SPEG: variants seen among roughly 807,000 people sequenced by gnomAD.
The protein encoded by SPEG is striated muscle enriched protein kinase, also known as striated muscle preferentially expressed protein kinase.
Under a neutral mutation model 300.4 loss-of-function variants are expected in SPEG, and 114 were observed. The observed-to-expected ratio is 0.38, with a 90% CI of 0.33 to 0.44. The LOEUF (loss-of-function observed/expected upper bound fraction) is 0.44, where lower values mean the gene tolerates loss of function less well. Ranked by LOEUF, SPEG falls within the 20% of genes least tolerant of loss-of-function variation. The probability of loss-of-function intolerance (pLI) is 1.00; values close to 1 mark genes in which losing one functional copy is unlikely to be tolerated. For synonymous variants in SPEG, 1,964 were observed against 2,018.9 expected, an observed-to-expected ratio of 0.97 and a Z score of 0.73; for missense variants, 4,201 against 4,586.2, an observed-to-expected ratio of 0.92 and a Z score of 2.43.
chr2:219,448,121 G>A lies in SPEG; in HGVS notation c.963G>A (p.Pro321=), dbSNP rs775841824. 1 of 1,603,224 alleles carries A rather than the reference G, an allele frequency of 6.2e-7. No individual in the cohort carries two copies. The highest frequency in any genetic ancestry group is 8.5e-7 in the Non-Finnish European group (1 of 1,175,074). Residue 321 remains proline, a synonymous_variant, in exon 4 of 41, where the codon CCG becomes CCA. Coordinates refer to ENST00000312358, the MANE Select transcript of SPEG (RefSeq NM_005876.5). ...PPSPRVGKRS[P]PGPPAQPAAT... Reference sequence around the variant, plus strand: ...CCCCTCGGGTCGGGAAGCGGTCCCCGCCGGGACCCCCGGCCCAGCCCGCGG... The same window carrying A: ...CCCCTCGGGTCGGGAAGCGGTCCCCACCGGGACCCCCGGCCCAGCCCGCGG...
intron 31 of SPEG, among the ~76,000 whole-genome samples, chr2:219,485,963 TC>T (rs774773664): frequency 2.0e-4 from 30 of 152,200 alleles, no homozygotes; most frequent in Admixed American, 5.2e-4. Flanking sequence ...CCCTCCTGCC[TC>T]CACAGTCCCC....
In SPEG at chr2:219,489,602, C is replaced by G. The variant is rs1693778752; in HGVS notation, c.8584C>G (p.Leu2862Val). The change falls in exon 36 of 41, where the codon CTA becomes GTA. Residue 2862 changes from leucine (L) to valine (V), a missense_variant. Physicochemically the swap from Leu to Val is conservative, Grantham distance 32 (BLOSUM62 1). Transcript: ENST00000312358. ...GGCTGCCCGGCCAGCGGAGCCCACC[C>G]TACCCAGTACCCACGTCACCCCAAG... ...LQAARPAEPT[L>V]PSTHVTPSEP... 6.2e-7 allele frequency: 1 copy of G among 1,613,662 alleles called. No individual in the cohort carries two copies. Among genetic ancestry groups the G allele is most frequent in the South Asian group, 1.1e-5 (1 of 91,092 alleles).
Position 219,477,516 on chromosome 2 carries a change from C to T in SPEG, c.4729+71C>T. The T allele has an allele frequency of 1.4e-6, 2 of 1,479,038 alleles. No individual in the cohort carries two copies. The highest frequency in any genetic ancestry group is 1.8e-6 in the Non-Finnish European group (2 of 1,104,396). The allele number at this position is 1,479,038 out of a possible 1,614,324, so 91.6% of individuals were successfully genotyped here. On this transcript the variant is annotated intron_variant, in intron 20 of 40. Transcript: ENST00000312358. This position sits in a 1 kb window ranked among gnomAD's most constrained non-coding sequence, Gnocchi z 6.4. ...TCTGATGTGACCCTCCATGCTCTGC[C>T]CAGGAAGCAGCCAGCCCTGGACTCG...
At chr2:219,438,403 A>C (rs568318901) in intron 1 of SPEG, among the ~76,000 whole-genome samples, 4 of 152,324 alleles carry the variant, frequency 2.6e-5, no homozygotes, top group South Asian at 4.1e-4. Flanking sequence ...GTCTGGGTCC[A>C]TACTGCTTGT....
At position 219,451,484 on chromosome 2, in the gene SPEG, A is replaced by G; in HGVS notation, c.2258-141A>G. Reference sequence around the variant, plus strand: ...AAGGGAGGGCAACCTGAGCTTCCCAAAATGAGGGCGGACTCTTCCAGATTC... The same window carrying G: ...AAGGGAGGGCAACCTGAGCTTCCCAGAATGAGGGCGGACTCTTCCAGATTC... On this transcript the variant is annotated intron_variant, in intron 5 of 40. Transcript: ENST00000312358. This position sits in a 1 kb window ranked among gnomAD's most constrained non-coding sequence, Gnocchi z 6.4. 1 of 1,138,676 alleles carries G rather than the reference A, an allele frequency of 8.8e-7. No individual in the cohort carries two copies. Among genetic ancestry groups the G allele is most frequent in the South Asian group, 1.8e-5 (1 of 57,004 alleles). The allele number at this position is 1,138,676 out of a possible 1,614,324, so 70.5% of individuals were successfully genotyped here. A position where few individuals can be genotyped will look rare whatever the true frequency, so the allele number is the denominator to read the frequency against.
At chr2:219,466,498 A>ACGG (rs2125451001) in intron 9 of SPEG, 1 of 1,119,126 alleles carries the variant, frequency 8.9e-7, no homozygotes, top group East Asian at 6.0e-5. Context: ...GGGAGAGATT[A>ACGG]CGGCATGGCA....
Position 219,451,373 on chromosome 2 carries a change from G to C in SPEG, c.2257+94G>C. ...TTCCCCCGGACTCCTCCAAGGGAGGGGTGGGAAAGAGGGGAATTATCCCCT... is the reference window on the plus strand; with the variant it reads ...TTCCCCCGGACTCCTCCAAGGGAGGCGTGGGAAAGAGGGGAATTATCCCCT... On this transcript the variant is annotated intron_variant, in intron 5 of 40. Transcript: ENST00000312358. The surrounding 1 kb of genome is among the most constrained non-coding windows in gnomAD (Gnocchi z 6.4). 6.8e-7 allele frequency: 1 copy of C among 1,467,084 alleles called. No individual in the cohort carries two copies. The highest frequency in any genetic ancestry group is 2.4e-5 in the East Asian group (1 of 41,528). 90.9% of individuals were successfully genotyped at this position (1,467,084 alleles called of 1,614,324 possible). A position where few individuals can be genotyped will look rare whatever the true frequency, so the allele number is the denominator to read the frequency against.
At chr2:219,478,669 C>T (rs1043213837) in intron 22 of SPEG, among the ~76,000 whole-genome samples, 1 of 152,098 alleles carries the variant, frequency 6.6e-6, no homozygotes, top group Non-Finnish European at 1.5e-5. Flanking sequence ...GCAGGGTGAC[C>T]GTAACCTGCA....
Position 219,489,920 on chromosome 2 carries a change from T to A in SPEG, c.8902T>A (p.Phe2968Ile). ...RQGPPQKPYTFLEEKARGRFG... is the reference protein window; with the variant it reads ...RQGPPQKPYTILEEKARGRFG... ...GGGTCCCCCTCAGAAACCCTACACC[T>A]TCCTGGAGGAGAAAGCCAGGCAAGC... Residue 2968 changes from phenylalanine (F) to isoleucine (I), a missense_variant, in exon 36 of 41, where the codon TTC becomes ATC. Phe to Ile is a conservative substitution (Grantham distance 21, BLOSUM62 0). Around this residue, in one of 4 missense-constraint regions of SPEG, gnomAD observed 318 missense variants for 429.5 expected, o/e 0.74. Transcript: ENST00000312358. 1 of 1,572,012 alleles carries A rather than the reference T, an allele frequency of 6.4e-7. No individual in the cohort carries two copies. Among genetic ancestry groups the A allele is most frequent in the South Asian group, 1.2e-5 (1 of 86,572 alleles).
intron 4 of SPEG, among the ~76,000 whole-genome samples, chr2:219,450,267 C>T (rs1689643964): frequency 6.6e-6 from 1 of 152,214 alleles, no homozygotes; most frequent in South Asian, 2.1e-4. Context: ...TATTTCATTT[C>T]AGCCTATATG....
intron 9 of SPEG, chr2:219,465,916 T>C: frequency 2.8e-6 from 2 of 701,880 alleles, no homozygotes; most frequent in South Asian, 1.7e-5. Context: ...TGCATGCGTG[T>C]GTGTGTGCGC....
At chr2:219,474,593 G>A (rs1372746491) in intron 18 of SPEG, among the ~76,000 whole-genome samples, 2 of 152,132 alleles carry the variant, frequency 1.3e-5, no homozygotes, top group Non-Finnish European at 2.9e-5. Context: ...GGGTTCAAGT[G>A]TGGCTGCCTG....
chr2:219,483,524 C>T lies in SPEG; in HGVS notation c.6061C>T (p.Pro2021Ser). Residue 2021 changes from proline (P) to serine (S), a missense_variant, in exon 30 of 41, where the codon CCC becomes TCC. Physicochemically the swap from Pro to Ser is moderately conservative, Grantham distance 74. Coordinates refer to ENST00000312358, the MANE Select transcript of SPEG (RefSeq NM_005876.5). ...GGGCAGCTCGGCTGAGAGCGCCCTG[C>T]CCCGGGCCGGGCCGCGGGAGCTGGG... The part of the protein sequence containing the change: ...RRGSSAESAL[P>S]RAGPRELGRG... The T allele has an allele frequency of 1.4e-6, 2 of 1,408,350 alleles. No individual in the cohort carries two copies. Among genetic ancestry groups the T allele is most frequent in the Non-Finnish European group, 1.8e-6 (2 of 1,093,550 alleles). The allele number at this position is 1,408,350 out of a possible 1,614,324, so 87.2% of individuals were successfully genotyped here.
rs1052666718 is a variant in SPEG at position 219,464,249 on chromosome 2, G to T, written c.2706-184G>T. Among the ~76,000 whole-genome samples, 1 of 152,210 alleles carries T rather than the reference G, an allele frequency of 6.6e-6. No individual in the cohort carries two copies. Among genetic ancestry groups the T allele is most frequent in the African/African-American group, 2.4e-5 (1 of 41,446 alleles). On this transcript the variant is annotated intron_variant, in intron 8 of 40. Transcript: ENST00000312358. The surrounding 1 kb of genome is among the most constrained non-coding windows in gnomAD (Gnocchi z 4.5). ...CCTGGAAGCTCCTAGAGGTGGGTGG[G>T]ATGGCAGAGTGGGGGTAAAAACCTA...
In SPEG at chr2:219,492,220, G is replaced by T; in HGVS notation, c.9571G>T (p.Ala3191Ser). The T allele has an allele frequency of 2.5e-6, 4 of 1,613,570 alleles. No individual in the cohort carries two copies. The highest frequency in any genetic ancestry group is 3.4e-6 in the Non-Finnish European group (4 of 1,179,840). The change falls in exon 40 of 41, where the codon GCC becomes TCC. Residue 3191 changes from alanine to serine, a missense_variant. By Grantham distance (99) the Ala-to-Ser change is moderately conservative (BLOSUM62 1). Around this residue, in one of 4 missense-constraint regions of SPEG, gnomAD observed 318 missense variants for 429.5 expected, o/e 0.74. Transcript: ENST00000312358. ...GCTGTACCCCAATACATCCCAGAGC[G>T]CCACCCTCTTCTTGCGAAAGGTTCT... ...FQLYPNTSQS[A>S]TLFLRKVLSV...
In SPEG at chr2:219,489,114, A is replaced by C. The variant is rs974249122; in HGVS notation, c.8210A>C (p.His2737Pro). 1 of 1,613,660 alleles carries C rather than the reference A, an allele frequency of 6.2e-7. No homozygotes were observed. The highest frequency in any genetic ancestry group is 1.7e-5 in the Admixed American group (1 of 59,986). The change falls in exon 35 of 41, where the codon CAC (histidine) becomes CCC (proline). Residue 2737 changes from histidine to proline, a missense_variant. Coordinates refer to ENST00000312358, the MANE Select transcript of SPEG (RefSeq NM_005876.5). ...GIPDCYYNVT[H>P]LPVGVTVRFR... ...CCCGACTGTTACTACAACGTGACCC[A>C]CCTGCCAGTTGGCGTGACTGTGAGG... is the stretch of plus-strand genomic sequence containing the variant.
chr2:219,478,119 G>C lies in SPEG; in HGVS notation c.5027+14G>C, dbSNP rs370412256. ...TGTCACCGAGCTGTATCCTGGGACA[G>C]GCTGGGGGCTAGGGGGATCCATGCC... On this transcript the variant is annotated intron_variant, in intron 22 of 40. Coordinates refer to ENST00000312358, the MANE Select transcript of SPEG (RefSeq NM_005876.5). 9 of 1,610,426 alleles carry C rather than the reference G, an allele frequency of 5.6e-6. No individual in the cohort carries two copies. The highest frequency in any genetic ancestry group is 6.8e-6 in the Non-Finnish European group (8 of 1,176,908).
At chr2:219,456,683 G>A (rs542816443) in intron 6 of SPEG, among the ~76,000 whole-genome samples, 12 of 152,298 alleles carry the variant, frequency 7.9e-5, no homozygotes, top group South Asian at 2.1e-4. Flanking sequence ...GCCAAGCAGG[G>A]TGGATCATGA....
At chr2:219,442,988 TCA>T (rs567948454) in intron 1 of SPEG, 55 of 795,256 alleles carry the variant, frequency 6.9e-5, no homozygotes, top group Non-Finnish European at 9.1e-5. Context: ...ACCTCCCCTC[TCA>T]CACACACACT....
Sources: gnomAD v4.1 joint callset for allele counts (sites outside exome capture counted in the v4.1 genomes callset) on GRCh38, gnomAD v4.1.1 for gene constraint, gnomAD v4.1.1 regional missense constraint, Gnocchi (gnomAD v3.1) non-coding constraint, MANE v1.5 for transcripts, NCBI Gene and HGNC (gene_info 2026-07-23, HGNC 2026-07-21) for gene names.